YIPF6: variants seen among roughly 807,000 people sequenced by gnomAD.
YIPF6 encodes the protein Yip1 domain family member 6.
A neutral mutation model predicts 16.8 loss-of-function variants in YIPF6; 3 were observed. The observed-to-expected ratio is 0.18, with a 90% CI of 0.08 to 0.46. YIPF6 has a LOEUF of 0.46. YIPF6 is among the 20% of genes least tolerant of loss of function. The pLI, the probability that YIPF6 is intolerant of heterozygous loss-of-function variation, is 0.98. For synonymous variants in YIPF6, 67 were observed against 61.9 expected (o/e 1.08, Z -0.38); for missense variants, 145 against 184.9 (o/e 0.78, Z 1.25).
chrX:68,524,077 C>T (rs1454923828), intron 6 of YIPF6, among the ~76,000 whole-genome samples: 5 of 111,676 alleles, frequency 4.5e-5, no homozygotes, highest in African/African-American at 1.6e-4. Context: ...CATTTAAAGG[C>T]AATAGGTGTT....
intron 3 of YIPF6, among the ~76,000 whole-genome samples, chrX:68,515,715 C>A (rs1447858836): frequency 9.1e-6 from 1 of 110,139 alleles, no homozygotes; most frequent in African/African-American, 3.3e-5. Context: ...GTCACTCAGG[C>A]TGGAATGCAG....
Position 68,535,992 on chromosome X carries a change from G to A in YIPF6, c.*3993G>A, listed in dbSNP as rs2079189929. ...TTTTGTAGAGATAGGGTTTCGCCATGTTGCCTAGGCTGGTCTTGAATTCCT... is the reference window on the plus strand; with the variant it reads ...TTTTGTAGAGATAGGGTTTCGCCATATTGCCTAGGCTGGTCTTGAATTCCT... On this transcript the variant is annotated 3_prime_UTR_variant, in exon 7 of 7. Transcript: ENST00000462683. The A allele has an allele frequency of 9.0e-6, 1 of 111,205 alleles. No homozygotes were observed. The highest frequency in any genetic ancestry group is 2.8e-4 in the East Asian group (1 of 3,511). The allele number at this position is 111,205 out of a possible 1,213,427, so 9.2% of individuals were successfully genotyped here. A position where few individuals can be genotyped will look rare whatever the true frequency, so the allele number is the denominator to read the frequency against.
In YIPF6 at chrX:68,520,794, A is replaced by G. The variant is rs951210127; in HGVS notation, c.309-578A>G. 8.1e-5 allele frequency among the ~76,000 whole-genome samples: 9 copies of G among 111,422 alleles called. No individual in the cohort carries two copies. In the East Asian group the frequency reaches 1.7e-3, roughly 21 times the overall value. ...CCTATTTCCATTTTTAAATATCTCAACTGAAATCTTAACCCAAGAACTACA... is the reference window on the plus strand; with the variant it reads ...CCTATTTCCATTTTTAAATATCTCAGCTGAAATCTTAACCCAAGAACTACA... On this transcript the variant is annotated intron_variant, in intron 4 of 6. Coordinates refer to ENST00000462683, the MANE Select transcript of YIPF6 (RefSeq NM_173834.4).
chrX:68,509,316 C>CA (rs2079071491), intron 1 of YIPF6, among the ~76,000 whole-genome samples: 1 of 110,281 alleles, frequency 9.1e-6, no homozygotes, highest in Non-Finnish European at 1.9e-5. Context: ...ATGGGGGTCT[C>CA]ACTGTGTTAC....
At chrX:68,508,690 G>A (rs1414695844) in intron 1 of YIPF6, among the ~76,000 whole-genome samples, 2 of 111,721 alleles carry the variant, frequency 1.8e-5, no homozygotes, top group African/African-American at 3.2e-5. Context: ...CCATCTCTTT[G>A]CAGAAATTCA....
intron 3 of YIPF6, among the ~76,000 whole-genome samples, chrX:68,517,616 A>G (rs1863407731): frequency 8.9e-6 from 1 of 112,394 alleles, no homozygotes; most frequent in Non-Finnish European, 1.9e-5. Flanking sequence ...TATTAATTCA[A>G]TATACTAATT....
chrX:68,529,602 TTCA>T, intron 6 of YIPF6, among the ~76,000 whole-genome samples: 1 of 111,773 alleles, frequency 8.9e-6, no homozygotes. Flanking sequence ...TTTCCTCATC[TTCA>T]TGGATTTATC....
In YIPF6 at chrX:68,500,929, A is replaced by G. The variant is rs377588748; in HGVS notation, c.57+1806A>G. On this transcript the variant is annotated intron_variant, in intron 1 of 6. Coordinates refer to ENST00000462683, the MANE Select transcript of YIPF6 (RefSeq NM_173834.4). Reference sequence around the variant, plus strand: ...TAGTGAGAGTACTAAATGAGATAATATATACATTGTGCCTACTGTGACATT... The same window carrying G: ...TAGTGAGAGTACTAAATGAGATAATGTATACATTGTGCCTACTGTGACATT... Among the ~76,000 whole-genome samples the G allele has an allele frequency of 2.1e-4, 23 of 111,993 alleles. No individual in the cohort carries two copies. The South Asian group carries it at 8.1e-3, about 40-fold the overall frequency.
intron 6 of YIPF6, among the ~76,000 whole-genome samples, chrX:68,526,688 T>A (rs1225224453): frequency 8.9e-6 from 1 of 111,798 alleles, no homozygotes; most frequent in Non-Finnish European, 1.9e-5. Flanking sequence ...CATGAAGCGG[T>A]GTTGAATTTT....
At chrX:68,528,199 G>T in intron 6 of YIPF6, among the ~76,000 whole-genome samples, 1 of 111,645 alleles carries the variant, frequency 9.0e-6, no homozygotes. Context: ...AGGATAGTTA[G>T]CTCTTCTTGT....
intron 3 of YIPF6, among the ~76,000 whole-genome samples, chrX:68,516,124 AAAAAAAC>A (rs1329457384): frequency 9.0e-6 from 1 of 111,617 alleles, no homozygotes; most frequent in South Asian, 3.7e-4. Context: ...ACTCTGTCTC[AAAAAAAC>A]AAAAAACAAA....
At chrX:68,506,248 AAAAAG>A (rs2079059257) in intron 1 of YIPF6, among the ~76,000 whole-genome samples, 1 of 111,137 alleles carries the variant, frequency 9.0e-6, no homozygotes, top group Non-Finnish European at 1.9e-5. Flanking sequence ...TTTCAAAAAA[AAAAAG>A]AAAAGGTAAA....
At position 68,518,187 on chromosome X, in the gene YIPF6, G is replaced by A. The variant is rs961436071; in HGVS notation, c.266-583G>A. The stretch of plus-strand genomic sequence containing the variant: ...CTCGGGAGGCTGAGGCAGGAGAATT[G>A]CTTGAACCCAGGAGGCAGAGGATGC... On this transcript the variant is annotated intron_variant, in intron 3 of 6. Coordinates refer to ENST00000462683, the MANE Select transcript of YIPF6 (RefSeq NM_173834.4). Among the ~76,000 whole-genome samples the A allele has an allele frequency of 4.7e-5, 5 of 106,195 alleles. No homozygotes were observed. The East Asian group carries it at 1.2e-3, about 25-fold the overall frequency. 92.2% of individuals were successfully genotyped at this position (106,195 alleles called of 115,157 possible).
intron 3 of YIPF6, among the ~76,000 whole-genome samples, chrX:68,517,977 A>G (rs1478629702): frequency 9.2e-6 from 1 of 108,456 alleles, no homozygotes; most frequent in Non-Finnish European, 1.9e-5. Flanking sequence ...AAAAAAAAAA[A>G]AAAAGAAAAG....
rs762316683 is a variant in YIPF6 at position 68,536,599 on chromosome X, T to C, written c.*4600T>C. 1.8e-5 allele frequency: 2 copies of C among 110,327 alleles called. No individual in the cohort carries two copies. The highest frequency in any genetic ancestry group is 4.0e-4 in the South Asian group (1 of 2,505). The allele number at this position is 110,327 out of a possible 1,213,427, so 9.1% of individuals were successfully genotyped here. ...TTATGTACCTGAAATGAATACACCC[T>C]TCCCCCAAGGTATTTTCCCTATTGT... On this transcript the variant is annotated 3_prime_UTR_variant, in exon 7 of 7. Coordinates refer to ENST00000462683, the MANE Select transcript of YIPF6 (RefSeq NM_173834.4).
rs745664773 is a variant in YIPF6 at position 68,500,691 on chromosome X, G to A, written c.57+1568G>A. ...ATCAGTGAACTTAATTCTAGTCCTA[G>A]CTCTGCTGCTTACTAGCTCCATTTG... On this transcript the variant is annotated intron_variant, in intron 1 of 6. Coordinates refer to ENST00000462683, the MANE Select transcript of YIPF6 (RefSeq NM_173834.4). Among the ~76,000 whole-genome samples the A allele has an allele frequency of 2.7e-5, 3 of 111,526 alleles. No homozygotes were observed. In the Admixed American group the frequency reaches 2.9e-4, roughly 11 times the overall value.
At chrX:68,519,894 G>A (rs2079119362) in intron 4 of YIPF6, among the ~76,000 whole-genome samples, 1 of 111,995 alleles carries the variant, frequency 8.9e-6, no homozygotes, top group Non-Finnish European at 1.9e-5. Flanking sequence ...GATGTCCCGA[G>A]CATATATATT....
chrX:68,506,861 C>T (rs1216642451), intron 1 of YIPF6, among the ~76,000 whole-genome samples: 1 of 111,450 alleles, frequency 9.0e-6, no homozygotes, highest in African/African-American at 3.3e-5. Context: ...GGGACACTCT[C>T]ACCTCAGTCT....
At chrX:68,527,437 A>AT (rs2079153469) in intron 6 of YIPF6, among the ~76,000 whole-genome samples, 2 of 110,934 alleles carry the variant, frequency 1.8e-5, no homozygotes, top group South Asian at 3.8e-4. Flanking sequence ...GTATTCATTG[A>AT]TTTTTTGAAG....
Sources: gnomAD v4.1 joint callset for allele counts (sites outside exome capture counted in the v4.1 genomes callset) on GRCh38, gnomAD v4.1.1 for gene constraint, MANE v1.5 for transcripts, NCBI Gene and HGNC (gene_info 2026-07-23, HGNC 2026-07-21) for gene names.